The following ME1 variants were observed in gnomAD, a reference collection of about 807,000 sequenced individuals.
ME1 encodes NADP-dependent malic enzyme.
A neutral mutation model predicts 66.4 loss-of-function variants in ME1; 74 were observed. That is an observed-to-expected ratio of 1.11 (90% CI 0.92 to 1.35). The LOEUF (loss-of-function observed/expected upper bound fraction) is 1.35, where lower values mean the gene tolerates loss of function less well. Among genes scored for constraint, ME1 ranks in the 40% most tolerant of loss-of-function variants. The pLI, the probability that ME1 is intolerant of heterozygous loss-of-function variation, is 0.00. For missense variants in ME1, 750 were observed against 694.1 expected (o/e 1.08, Z -0.90); for synonymous variants, 251 against 235.6 (o/e 1.07, Z -0.60).
rs1453914057 is a variant in ME1 at position 83,346,254 on chromosome 6, T to C, written c.519A>G (p.Lys173=). Residue 173 remains lysine, a synonymous_variant, in exon 5 of 14, where the codon AAA becomes AAG. Transcript: ENST00000369705. The part of the protein sequence containing the change: ...GCNGMGIPVG[K]LALYTACGGM... ...CTCCGCAAGCTGTATATAGAGCCAA[T>C]TTACCCACAGGGATGCCCATTCCAT... The C allele has an allele frequency of 1.2e-6, 2 of 1,613,480 alleles. No homozygotes were observed. Among genetic ancestry groups the C allele is most frequent in the East Asian group, 4.5e-5 (2 of 44,866 alleles).
chr6:83,331,585 CAAAA>C (rs1222661961), intron 5 of ME1, among the ~76,000 whole-genome samples: 4 of 73,244 alleles, frequency 5.5e-5, no homozygotes, highest in African/African-American at 4.9e-5. Context: ...GACTCCATCT[CAAAA>C]AAAAAAAAAA....
At chr6:83,258,705 C>T (rs376356653) in intron 6 of ME1, among the ~76,000 whole-genome samples, 3 of 152,074 alleles carry the variant, frequency 2.0e-5, no homozygotes, top group Non-Finnish European at 4.4e-5. Flanking sequence ...ATTCTGTCAG[C>T]AACCCAGTGA....
intron 1 of ME1, among the ~76,000 whole-genome samples, chr6:83,408,949 C>A (rs980720166): frequency 6.6e-6 from 1 of 152,210 alleles, no homozygotes; most frequent in East Asian, 1.9e-4. Context: ...ATCCTCACCC[C>A]CAAGGCGATG....
At position 83,349,034 on chromosome 6, in the gene ME1, T is replaced by G. The variant is rs1323656552; in HGVS notation, c.439-2700A>C. Among the ~76,000 whole-genome samples the G allele has an allele frequency of 2.0e-5, 3 of 150,712 alleles. No individual in the cohort carries two copies. The East Asian group carries it at 5.8e-4, about 29-fold the overall frequency. On this transcript the variant is annotated intron_variant, in intron 4 of 13. Coordinates refer to ENST00000369705, the MANE Select transcript of ME1 (RefSeq NM_002395.6). ...CAAAAAACAGTGCATTCTTTCTTAT[T>G]TCTTCATAACTTTTATTCCCTAAGT...
intron 12 of ME1, among the ~76,000 whole-genome samples, chr6:83,221,750 G>C (rs1000470887): frequency 6.6e-6 from 1 of 151,414 alleles, no homozygotes; most frequent in African/African-American, 2.4e-5. Context: ...GAAAGCATAA[G>C]AAAAAGAGAA....
intron 5 of ME1, among the ~76,000 whole-genome samples, chr6:83,344,915 A>G (rs1408387718): frequency 6.6e-6 from 1 of 151,886 alleles, no homozygotes; most frequent in East Asian, 1.9e-4. Context: ...AATAATAAAT[A>G]AACTATTTTA....
chr6:83,296,309 A>T (rs1486177670), intron 6 of ME1, among the ~76,000 whole-genome samples: 3 of 152,224 alleles, frequency 2.0e-5, no homozygotes, highest in Non-Finnish European at 2.9e-5. Flanking sequence ...CACATCAAAA[A>T]GTTACTCCAC....
At chr6:83,322,225 C>T (rs1184278778) in intron 5 of ME1, among the ~76,000 whole-genome samples, 1 of 152,098 alleles carries the variant, frequency 6.6e-6, no homozygotes, top group Non-Finnish European at 1.5e-5. Context: ...CTGAAAATTC[C>T]AAAAACCAGA....
At chr6:83,227,201 T>TTATCCCACAAAAA in intron 11 of ME1, 134 bp downstream of exon 11, 1 of 462,398 alleles carries the variant, frequency 2.2e-6, no homozygotes, top group South Asian at 9.6e-5. Flanking sequence ...CTTATCCCTC[T>TTATCCCACAAAAA]GATTTGTGTG....
chr6:83,334,247 G>A (rs534676234), intron 5 of ME1, among the ~76,000 whole-genome samples: 9 of 144,130 alleles, frequency 6.2e-5, no homozygotes, highest in Admixed American at 2.1e-4. Flanking sequence ...CGAATATTGC[G>A]CTTTTCAGAC....
At chr6:83,354,043 C>CT (rs1340637784) in intron 3 of ME1, among the ~76,000 whole-genome samples, 1 of 152,162 alleles carries the variant, frequency 6.6e-6, no homozygotes, top group African/African-American at 2.4e-5. Flanking sequence ...CTCCTCCTCT[C>CT]TGTCTTCTTA....
At chr6:83,362,815 C>A (rs752426514) in intron 3 of ME1, among the ~76,000 whole-genome samples, 9 of 152,226 alleles carry the variant, frequency 5.9e-5, no homozygotes, top group Non-Finnish European at 1.0e-4. Flanking sequence ...CCTTATGCAT[C>A]ATCATGGTAT....
At position 83,325,956 on chromosome 6, in the gene ME1, A is replaced by C. The variant is rs574372097; in HGVS notation, c.601-10543T>G. ...CAAAAAAACGAAGCAAACAAAAAAA[A>C]AAAAAAACAAAGCTGGAGGCATCAT... is the stretch of plus-strand genomic sequence containing the variant. On this transcript the variant is annotated intron_variant, in intron 5 of 13. Coordinates refer to ENST00000369705, the MANE Select transcript of ME1 (RefSeq NM_002395.6). Among the ~76,000 whole-genome samples the C allele has an allele frequency of 9.9e-5, 15 of 151,398 alleles. No homozygotes were observed. In the South Asian group the frequency reaches 3.1e-3, roughly 32 times the overall value.
chr6:83,325,285 T>C (rs957618229), intron 5 of ME1, among the ~76,000 whole-genome samples: 6 of 152,194 alleles, frequency 3.9e-5, no homozygotes, highest in African/African-American at 1.4e-4. Context: ...GCTGGAAGCA[T>C]TCCCTTTCAA....
At position 83,283,027 on chromosome 6, in the gene ME1, G is replaced by T. The variant is rs560188431; in HGVS notation, c.705-29289C>A. 6.0e-5 allele frequency among the ~76,000 whole-genome samples: 9 copies of T among 151,260 alleles called. No individual in the cohort carries two copies. The East Asian group carries it at 1.8e-3, about 30-fold the overall frequency. On this transcript the variant is annotated intron_variant, in intron 6 of 13. Coordinates refer to ENST00000369705, the MANE Select transcript of ME1 (RefSeq NM_002395.6). ...GCGGATCACGAGGTCAGGAGATCGA[G>T]ACCATCCTGGCTAACAAGGTGAAAC...
At chr6:83,256,135 C>G (rs1195591281) in intron 6 of ME1, among the ~76,000 whole-genome samples, 1 of 152,040 alleles carries the variant, frequency 6.6e-6, no homozygotes, top group Non-Finnish European at 1.5e-5. Flanking sequence ...TACCGTGCAT[C>G]CTTAACTGTT....
intron 6 of ME1, among the ~76,000 whole-genome samples, chr6:83,292,295 G>A (rs1002082425): frequency 5.9e-5 from 9 of 152,170 alleles, no homozygotes; most frequent in Admixed American, 3.3e-4. Context: ...CCTACGAATA[G>A]GGTTTTGGTG....
intron 6 of ME1, among the ~76,000 whole-genome samples, chr6:83,271,465 T>C (rs913262204): frequency 3.1e-4 from 47 of 152,324 alleles, no homozygotes; most frequent in African/African-American, 1.1e-3. Context: ...ATATGTGGAA[T>C]AAAGAGGTTC....
At chr6:83,320,726 CCCT>C (rs1263948133) in intron 5 of ME1, among the ~76,000 whole-genome samples, 1 of 152,190 alleles carries the variant, frequency 6.6e-6, no homozygotes, top group Non-Finnish European at 1.5e-5. Flanking sequence ...TCTCTTTTCT[CCCT>C]CCTTTCCCAT....
Sources: allele counts gnomAD v4.1 joint callset (sites outside exome capture counted in the v4.1 genomes callset), GRCh38; gene constraint gnomAD v4.1.1; transcripts MANE v1.5; gene names NCBI Gene and HGNC (gene_info 2026-07-23, HGNC 2026-07-21).